ZNF704: variants seen among roughly 807,000 people sequenced by gnomAD.
ZNF704 encodes zinc finger protein 704.
In ZNF704, 10 loss-of-function variants were observed where a neutral mutation model predicts 44.7. The ratio of observed to expected loss-of-function variants is 0.22; its 90% CI spans 0.14 to 0.38. The LOEUF (loss-of-function observed/expected upper bound fraction) is 0.38. Among genes scored for constraint, ZNF704 ranks in the 10% least tolerant of loss-of-function variants. ZNF704 has a pLI of 1.00. For synonymous variants in ZNF704, 211 were observed against 207.6 expected, an observed-to-expected ratio of 1.02 and a Z score of -0.14; for missense variants, 390 against 545.5, an observed-to-expected ratio of 0.71 and a Z score of 2.84.
intron 2 of ZNF704, among the ~76,000 whole-genome samples, chr8:80,813,398 G>C (rs1016581698): frequency 1.7e-4 from 26 of 152,100 alleles, no homozygotes; most frequent in African/African-American, 6.3e-4. Context: ...TTATAATCTA[G>C]CACTAATGTG....
rs555933393 is a variant in ZNF704, at chr8:80,767,931, A to C, written c.221+53443T>G. 3.4e-4 allele frequency among the ~76,000 whole-genome samples: 52 copies of C among 152,328 alleles called. No individual in the cohort carries two copies. The East Asian group carries it at 9.7e-3, about 28-fold the overall frequency. ...ATCGCCTTGAGTTTTAGAAGAAACT[A>C]AACAGGCTTCCCTGAGGTTTTCTTG... On this transcript the variant is annotated intron_variant, in intron 2 of 8. Coordinates refer to ENST00000327835, the MANE Select transcript of ZNF704 (RefSeq NM_001033723.3).
chr8:80,659,037 G>T (rs1374363430), intron 7 of ZNF704, among the ~76,000 whole-genome samples: 1 of 152,132 alleles, frequency 6.6e-6, no homozygotes, highest in Non-Finnish European at 1.5e-5. Context: ...TATCAGACAG[G>T]AATCATTTAA....
chr8:80,819,241 C>G lies in ZNF704; in HGVS notation c.221+2133G>C, dbSNP rs1808224451. ...CCTCACAATAACACTGGCGTGGGAT[C>G]ATGTACTTTTAAGTACATTCAGTGA... is the stretch of plus-strand genomic sequence containing the variant. On this transcript the variant is annotated intron_variant, in intron 2 of 8. Transcript: ENST00000327835. Among the ~76,000 whole-genome samples the G allele has an allele frequency of 2.0e-5, 3 of 152,070 alleles. No homozygotes were observed. The South Asian group carries it at 6.2e-4, about 31-fold the overall frequency.
chr8:80,800,979 A>G (rs1281166205), intron 2 of ZNF704, among the ~76,000 whole-genome samples: 1 of 152,184 alleles, frequency 6.6e-6, no homozygotes, highest in African/African-American at 2.4e-5. Context: ...GTACCAAGCA[A>G]ATGGAACACA....
chr8:80,708,413 T>C (rs1193094011), intron 2 of ZNF704, among the ~76,000 whole-genome samples: 2 of 152,208 alleles, frequency 1.3e-5, no homozygotes, highest in African/African-American at 4.8e-5. Context: ...AGGAGGTGGA[T>C]GAATACAGGT....
In ZNF704 at chr8:80,729,985, T is replaced by A. The variant is rs543922650; in HGVS notation, c.222-36878A>T. ...TGCTTGCCACATGTCTAGAGAATTG[T>A]ATGCCCCATTCGAACACCTACTAAA... On this transcript the variant is annotated intron_variant, in intron 2 of 8. Coordinates refer to ENST00000327835, the MANE Select transcript of ZNF704 (RefSeq NM_001033723.3). Among the ~76,000 whole-genome samples, 7 of 152,296 alleles carry A rather than the reference T, an allele frequency of 4.6e-5. No homozygotes were observed. The East Asian group carries it at 1.4e-3, about 29-fold the overall frequency.
At chr8:80,739,836 T>C (rs1806726928) in intron 2 of ZNF704, among the ~76,000 whole-genome samples, 1 of 152,200 alleles carries the variant, frequency 6.6e-6, no homozygotes, top group Non-Finnish European at 1.5e-5. Flanking sequence ...CCCTCGTCCA[T>C]GTCCCTTATG....
intron 2 of ZNF704, among the ~76,000 whole-genome samples, chr8:80,737,758 T>C (rs916093401): frequency 3.3e-5 from 5 of 152,208 alleles, no homozygotes; most frequent in African/African-American, 9.6e-5. Flanking sequence ...GGAGTTTCTA[T>C]ATACCCTTAA....
chr8:80,784,433 T>G (rs1265506693), intron 2 of ZNF704, among the ~76,000 whole-genome samples: 1 of 152,214 alleles, frequency 6.6e-6, no homozygotes, highest in East Asian at 1.9e-4. Flanking sequence ...GCATTTGGTG[T>G]TGTCAGTGTT....
chr8:80,726,647 T>TA (rs1806485188), intron 2 of ZNF704, among the ~76,000 whole-genome samples: 1 of 152,168 alleles, frequency 6.6e-6, no homozygotes, highest in Non-Finnish European at 1.5e-5. Context: ...TGTTGATAAT[T>TA]ACTGAACTGG....
intron 2 of ZNF704, among the ~76,000 whole-genome samples, chr8:80,751,629 A>G (rs1222552246): frequency 6.6e-6 from 1 of 152,220 alleles, no homozygotes; most frequent in Non-Finnish European, 1.5e-5. Flanking sequence ...AAGTACATAC[A>G]TGTAAAGATT....
rs991711334 is a variant in ZNF704, at chr8:80,629,855, T to G, written c.*11511A>C. The stretch of plus-strand genomic sequence containing the variant: ...GTTCACTTCATGCAGTTTTGTTTGC[T>G]TGTTAATCCAGTGTTACTAGAACAT... On this transcript the variant is annotated 3_prime_UTR_variant, in exon 9 of 9. Transcript: ENST00000327835. The G allele has an allele frequency of 6.6e-6, 1 of 152,252 alleles. No individual in the cohort carries two copies. The highest frequency in any genetic ancestry group is 2.4e-5 in the African/African-American group (1 of 41,474). The allele number at this position is 152,252 out of a possible 1,614,324, so 9.4% of individuals were successfully genotyped here.
chr8:80,811,939 C>A (rs545840881), intron 2 of ZNF704, among the ~76,000 whole-genome samples: 1 of 152,184 alleles, frequency 6.6e-6, no homozygotes, highest in Non-Finnish European at 1.5e-5. Context: ...TTGTGAACTG[C>A]GCATGTGAGG....
intron 2 of ZNF704, among the ~76,000 whole-genome samples, chr8:80,757,579 C>T (rs111514116): frequency 1.7e-4 from 26 of 152,138 alleles, no homozygotes; most frequent in African/African-American, 6.0e-4. Flanking sequence ...TTTATAGAGT[C>T]TCCAGTAGTG....
intron 2 of ZNF704, among the ~76,000 whole-genome samples, chr8:80,793,372 C>T (rs1004682721): frequency 9.2e-5 from 14 of 152,096 alleles, no homozygotes; most frequent in Admixed American, 6.5e-5. Context: ...GCTCAAGACT[C>T]AGATGGGAGA....
At chr8:80,698,743 G>C (rs1057260238) in intron 2 of ZNF704, among the ~76,000 whole-genome samples, 2 of 152,230 alleles carry the variant, frequency 1.3e-5, no homozygotes, top group Non-Finnish European at 2.9e-5. Flanking sequence ...AGCGCAGTGC[G>C]CAGCATCAGC....
intron 2 of ZNF704, among the ~76,000 whole-genome samples, chr8:80,706,156 C>A (rs1469480873): frequency 6.6e-6 from 1 of 152,204 alleles, no homozygotes; most frequent in African/African-American, 2.4e-5. Flanking sequence ...CATTTTGAGT[C>A]ATTCCAGGCT....
chr8:80,850,850 A>G (rs1371172151), intron 1 of ZNF704, among the ~76,000 whole-genome samples: 3 of 152,170 alleles, frequency 2.0e-5, no homozygotes, highest in African/African-American at 7.2e-5. Flanking sequence ...ACCATGGGAA[A>G]TTGCCTAACA....
intron 3 of ZNF704, among the ~76,000 whole-genome samples, chr8:80,691,951 A>C (rs1281807002): frequency 6.6e-6 from 1 of 152,060 alleles, no homozygotes; most frequent in African/African-American, 2.4e-5. Flanking sequence ...TCCAGCACCA[A>C]ACTCTTGATT....
Sources: allele counts gnomAD v4.1 joint callset (sites outside exome capture counted in the v4.1 genomes callset), GRCh38; gene constraint gnomAD v4.1.1; transcripts MANE v1.5; gene names NCBI Gene and HGNC (gene_info 2026-07-23, HGNC 2026-07-21).